FAM234A: variants seen among roughly 807,000 people sequenced by gnomAD.
The protein encoded by FAM234A is protein FAM234A.
A neutral mutation model predicts 49.1 loss-of-function variants in FAM234A; 42 were observed. The observed-to-expected ratio is 0.86, with a 90% CI of 0.67 to 1.11. The LOEUF (loss-of-function observed/expected upper bound fraction) is 1.11, where lower values mean the gene tolerates loss of function less well. FAM234A is among the 50% of genes least tolerant of loss of function. FAM234A has a pLI of 0.00. For synonymous variants in FAM234A, 369 were observed against 316.2 expected (o/e 1.17, Z -1.77); for missense variants, 815 against 745.2 (o/e 1.09, Z -1.09).
At chr16:237,406 G>T (rs1041424918) in intron 1 of FAM234A, among the ~76,000 whole-genome samples, 1 of 152,106 alleles carries the variant, frequency 6.6e-6, no homozygotes, top group African/African-American at 2.4e-5. Context: ...GATGTTGGCT[G>T]GGGCTGCAGG....
chr16:261,719 C>G (rs1231686944), intron 6 of FAM234A, among the ~76,000 whole-genome samples: 3 of 152,220 alleles, frequency 2.0e-5, no homozygotes, highest in African/African-American at 7.2e-5. Flanking sequence ...TGGGGCCTCC[C>G]CAAGAATGGT....
intron 3 of FAM234A, 87 bp downstream of exon 3, chr16:254,768 C>A: frequency 7.4e-7 from 1 of 1,351,434 alleles, no homozygotes; most frequent in Non-Finnish European, 1.0e-6. Flanking sequence ...GTCTGCGAGT[C>A]TAGAAGTGGC....
chr16:257,932 A>T (rs2051300940), intron 3 of FAM234A, among the ~76,000 whole-genome samples: 1 of 151,676 alleles, frequency 6.6e-6, no homozygotes, highest in Non-Finnish European at 1.5e-5. Context: ...ATCTCAACTG[A>T]CTGCAGCCTC....
chr16:257,641 T>TAA (rs2051289084), intron 3 of FAM234A, among the ~76,000 whole-genome samples: 1 of 152,110 alleles, frequency 6.6e-6, no homozygotes, highest in African/African-American at 2.4e-5. Flanking sequence ...TTTTAGCTCT[T>TAA]ACGTTTAGGT....
chr16:235,525 G>T (rs564290553), intron 1 of FAM234A, among the ~76,000 whole-genome samples: 1 of 152,260 alleles, frequency 6.6e-6, no homozygotes, highest in South Asian at 2.1e-4. Context: ...TTTGCCCTTG[G>T]ACAGACTGAT....
At chr16:261,330 C>G (rs1178123515) in intron 5 of FAM234A, 54 bp from the exon 6 acceptor site, 1 of 1,580,036 alleles carries the variant, frequency 6.3e-7, no homozygotes, top group African/African-American at 1.3e-5. Flanking sequence ...AGTTGCCGGG[C>G]TGCTGTTGAA....
rs978278835 is a variant in FAM234A at position 256,904 on chromosome 16, G to T, written c.268+2223G>T. On this transcript the variant is annotated intron_variant, in intron 3 of 12. Transcript: ENST00000399932. The stretch of plus-strand genomic sequence containing the variant: ...ACTACAGGCATGTGCCACCACACCC[G>T]GCTAATTTTGTATTTTTAGTAGAAA... 1.6e-4 allele frequency among the ~76,000 whole-genome samples: 24 copies of T among 152,114 alleles called. No individual in the cohort carries two copies. In the East Asian group the frequency reaches 4.3e-3, roughly 27 times the overall value.
intron 3 of FAM234A, among the ~76,000 whole-genome samples, chr16:256,942 A>G (rs1423869633): frequency 6.6e-6 from 1 of 151,976 alleles, no homozygotes; most frequent in Non-Finnish European, 1.5e-5. Context: ...GGGTTTCTCC[A>G]TGTTGGTCAG....
At chr16:269,882 G>C (rs536928524), downstream of FAM234A, 7 of 358,486 alleles carry the variant, frequency 2.0e-5, 1 homozygote, top group Non-Finnish European at 3.1e-5. Context: ...GAATGGCTCC[G>C]TGTGCCCCAC....
intron 1 of FAM234A, among the ~76,000 whole-genome samples, chr16:235,224 G>T (rs1267865983): frequency 6.6e-6 from 1 of 152,234 alleles, no homozygotes; most frequent in Non-Finnish European, 1.5e-5. Context: ...GGCCGTGGTC[G>T]CTTTCGCTCT....
At chr16:261,783 G>A (rs1374918133) in intron 6 of FAM234A, among the ~76,000 whole-genome samples, 26 of 152,226 alleles carry the variant, frequency 1.7e-4, no homozygotes, top group Admixed American at 1.6e-3. Context: ...AAGCTCTGAG[G>A]GCTGGGAGCA....
At chr16:260,548 G>C in intron 5 of FAM234A, 1 of 481,266 alleles carries the variant, frequency 2.1e-6, no homozygotes, top group Non-Finnish European at 4.3e-6. Context: ...CGTCAGGGGA[G>C]ATCGGGGCCT....
intron 1 of FAM234A, among the ~76,000 whole-genome samples, chr16:244,021 T>C (rs1274870067): frequency 1.3e-5 from 2 of 151,378 alleles, no homozygotes; most frequent in African/African-American, 2.4e-5. Context: ...CAGGCTGGAG[T>C]GCAGTGGTGC....
intron 2 of FAM234A, among the ~76,000 whole-genome samples, chr16:251,685 T>TTTTTG (rs2051016429): frequency 2.2e-5 from 3 of 138,136 alleles, no homozygotes; most frequent in African/African-American, 9.0e-5. Flanking sequence ...CCAGGTTTTT[T>TTTTTG]TTTTTTTTTT....
chr16:268,932 G>T (rs1242023266), downstream of FAM234A: 3 of 1,550,528 alleles, frequency 1.9e-6, no homozygotes, highest in Non-Finnish European at 1.7e-6. Flanking sequence ...TAGAGATGGG[G>T]ATGGGCACCC....
chr16:259,452 G>T, intron 3 of FAM234A, 31 bp from the exon 4 acceptor site: 1 of 1,273,808 alleles, frequency 7.9e-7, no homozygotes, highest in Non-Finnish European at 1.1e-6. Context: ...GGCATGGCCC[G>T]CGGAGTATAG....
chr16:259,853 G>T, intron 4 of FAM234A, 116 bp from the exon 5 acceptor site: 2 of 931,476 alleles, frequency 2.1e-6, no homozygotes, highest in Non-Finnish European at 3.3e-6. Context: ...CTGGCGGGAG[G>T]GGCTGTGGCC....
chr16:244,854 A>AT (rs1203898846), intron 1 of FAM234A, among the ~76,000 whole-genome samples: 4 of 147,268 alleles, frequency 2.7e-5, no homozygotes, highest in Non-Finnish European at 6.1e-5. Flanking sequence ...CGCCCGGCTA[A>AT]TTTTTTTTTG....
intron 1 of FAM234A, among the ~76,000 whole-genome samples, chr16:235,157 A>C (rs1249110682): frequency 1.3e-5 from 2 of 152,000 alleles, no homozygotes; most frequent in African/African-American, 4.8e-5. Flanking sequence ...TGTTCCTCAA[A>C]GCGGGGTTTT....
Sources: gnomAD v4.1 joint callset for allele counts (sites outside exome capture counted in the v4.1 genomes callset) on GRCh38, gnomAD v4.1.1 for gene constraint, MANE v1.5 for transcripts, NCBI Gene and HGNC (gene_info 2026-07-23, HGNC 2026-07-21) for gene names.